Variants in TBXAS1 observed in about 807,000 individuals in gnomAD.
TBXAS1 encodes the protein thromboxane-A synthase.
TBXAS1 carries 48 observed loss-of-function variants against 60.7 expected under a neutral mutation model. The ratio of observed to expected loss-of-function variants is 0.79; its 90% CI spans 0.63 to 1.01. TBXAS1 has a LOEUF of 1.01. Among genes scored for constraint, TBXAS1 ranks in the 50% least tolerant of loss-of-function variants. The probability of loss-of-function intolerance (pLI) is 0.00; values close to 1 mark genes in which losing one functional copy is unlikely to be tolerated. For missense variants in TBXAS1, 685 were observed against 686.3 expected (o/e 1.00, Z 0.02); for synonymous variants, 287 against 269.7 (o/e 1.06, Z -0.63).
At chr7:139,891,455 A>T (rs1469040139) in intron 3 of TBXAS1, among the ~76,000 whole-genome samples, 2 of 152,072 alleles carry the variant, frequency 1.3e-5, no homozygotes, top group Non-Finnish European at 2.9e-5. Context: ...TAGAATGAAA[A>T]GGGCGTGTGG....
rs112532702 is a variant in TBXAS1, at chr7:139,888,246, T to C, written c.236+12609T>C. On this transcript the variant is annotated intron_variant, in intron 3 of 12. Transcript: ENST00000448866. ...TTGCTGCCAAACCCTTTACAATTTA[T>C]GTGTCTGCCTTTCGGTTCTGCCTTC... Among the ~76,000 whole-genome samples the C allele has an allele frequency of 6.5e-3, 991 of 152,368 alleles. 4 individuals carry two copies. The highest frequency in any genetic ancestry group is 0.011 in the Non-Finnish European group (725 of 68,042).
intron 4 of TBXAS1, among the ~76,000 whole-genome samples, chr7:139,818,286 G>C (rs1032119672): frequency 6.6e-6 from 1 of 152,190 alleles, no homozygotes; most frequent in Non-Finnish European, 1.5e-5. Flanking sequence ...CACAGGGCCT[G>C]TTGTAACTCA....
At chr7:139,861,670 C>G (rs112687417) in intron 1 of TBXAS1, among the ~76,000 whole-genome samples, 2 of 152,128 alleles carry the variant, frequency 1.3e-5, no homozygotes, top group Non-Finnish European at 1.5e-5. Flanking sequence ...GAATTAAGTG[C>G]GTAACATCTG....
At chr7:139,997,455 G>A (rs1813377382) in intron 9 of TBXAS1, among the ~76,000 whole-genome samples, 1 of 152,104 alleles carries the variant, frequency 6.6e-6, no homozygotes, top group South Asian at 2.1e-4. Flanking sequence ...AGTTGATGTT[G>A]GAATGCGTTT....
chr7:139,855,017 A>G (rs1215252058), intron 1 of TBXAS1, among the ~76,000 whole-genome samples: 2 of 152,140 alleles, frequency 1.3e-5, no homozygotes, highest in African/African-American at 4.8e-5. Context: ...GTCTCCTCCA[A>G]AAATCATGTT....
At chr7:139,816,665 A>G (rs930294015) in intron 4 of TBXAS1, among the ~76,000 whole-genome samples, 1 of 152,144 alleles carries the variant, frequency 6.6e-6, no homozygotes, top group Non-Finnish European at 1.5e-5. Context: ...TGAATCAGAA[A>G]CTCTGGCAAT....
In TBXAS1 at chr7:139,896,717, C is replaced by T. The variant is rs916775379; in HGVS notation, c.237-14508C>T. Among the ~76,000 whole-genome samples the T allele has an allele frequency of 3.3e-5, 5 of 152,054 alleles. No homozygotes were observed. Among genetic ancestry groups the T allele is most frequent in the Admixed American group, 6.5e-5 (1 of 15,268 alleles). ...TCTTCTTTTGGCCTGGGGAGCGCTACGAAGACATTACTGAGTCACTAAGGG... is the reference window on the plus strand; with the variant it reads ...TCTTCTTTTGGCCTGGGGAGCGCTATGAAGACATTACTGAGTCACTAAGGG... On this transcript the variant is annotated intron_variant, in intron 3 of 12. Coordinates refer to ENST00000448866, the MANE Select transcript of TBXAS1 (RefSeq NM_001061.7). The surrounding 1 kb of genome is among the most constrained non-coding windows in gnomAD (Gnocchi z 4.0).
intron 1 of TBXAS1, among the ~76,000 whole-genome samples, chr7:139,847,526 C>A (rs557223391): frequency 2.8e-4 from 42 of 151,884 alleles, no homozygotes; most frequent in African/African-American, 1.0e-3. Context: ...GCCAACTAAC[C>A]AACCAACCAA....
intron 9 of TBXAS1, among the ~76,000 whole-genome samples, chr7:140,006,308 G>C (rs914919397): frequency 6.6e-6 from 1 of 152,142 alleles, no homozygotes; most frequent in African/African-American, 2.4e-5. Flanking sequence ...TCATGGGCAC[G>C]TGTTCATCTT....
At chr7:139,806,252 T>G (rs1232085974) in intron 4 of TBXAS1, among the ~76,000 whole-genome samples, 1 of 138,986 alleles carries the variant, frequency 7.2e-6, no homozygotes, top group Non-Finnish European at 1.5e-5. Context: ...GTTATTTTAT[T>G]TTATTTTATT....
chr7:139,864,576 A>G (rs1801209352), intron 1 of TBXAS1, among the ~76,000 whole-genome samples: 1 of 152,172 alleles, frequency 6.6e-6, no homozygotes, highest in African/African-American at 2.4e-5. Context: ...TAAGAAAAAA[A>G]GACAAAAAAG....
chr7:139,996,982 T>C (rs980266550), intron 9 of TBXAS1, among the ~76,000 whole-genome samples: 2 of 152,250 alleles, frequency 1.3e-5, no homozygotes, highest in South Asian at 2.1e-4. Context: ...CAACTCTTTC[T>C]ACCTCAGCCA....
At position 140,004,768 on chromosome 7, in the gene TBXAS1, A is replaced by C. The variant is rs543252087; in HGVS notation, c.1135-2323A>C. Among the ~76,000 whole-genome samples, 1 of 152,310 alleles carries C rather than the reference A, an allele frequency of 6.6e-6. No homozygotes were observed. The highest frequency in any genetic ancestry group is 3.4e-3 in the Middle Eastern group (1 of 294). On this transcript the variant is annotated intron_variant, in intron 9 of 12. Transcript: ENST00000448866. The surrounding 1 kb of genome is among the most constrained non-coding windows in gnomAD (Gnocchi z 5.1). ...CTTCCCCAGCCAGCCACAGCAGACT[A>C]ACCTCCAAGGATCTCTAAACCTCTG...
chr7:139,796,419 A>C (rs950450812), intron 4 of TBXAS1, among the ~76,000 whole-genome samples: 1 of 152,202 alleles, frequency 6.6e-6, no homozygotes, highest in Non-Finnish European at 1.5e-5. Context: ...TCCAACTATG[A>C]TATTCTGGCA....
intron 8 of TBXAS1, among the ~76,000 whole-genome samples, chr7:139,958,250 G>A (rs1304989409): frequency 1.3e-5 from 2 of 152,146 alleles, no homozygotes; most frequent in East Asian, 1.9e-4. Context: ...GGAGGATGTC[G>A]CTACAGAACT....
chr7:139,833,509 CAAA>C (rs56291914), intron 1 of TBXAS1, among the ~76,000 whole-genome samples: 3,323 of 74,432 alleles, frequency 0.045, 64 homozygotes, highest in South Asian at 0.087. Flanking sequence ...ACTAAAAATA[CAAA>C]AAAAAAAAAA....
chr7:139,819,559 G>A (rs1376618247), intron 4 of TBXAS1, among the ~76,000 whole-genome samples: 3 of 152,184 alleles, frequency 2.0e-5, no homozygotes, highest in Non-Finnish European at 1.5e-5. Context: ...CTGGAGTGCA[G>A]TGGCACTATC....
chr7:139,875,707 G>A (rs753923972), intron 3 of TBXAS1, 70 bp downstream of exon 3: 39 of 1,544,196 alleles, frequency 2.5e-5, no homozygotes, highest in Admixed American at 3.4e-5. Context: ...TGATTTTCAC[G>A]TGTTGAACTG....
chr7:139,996,668 C>T (rs1467779931), intron 9 of TBXAS1, among the ~76,000 whole-genome samples: 1 of 152,240 alleles, frequency 6.6e-6, no homozygotes, highest in Admixed American at 6.5e-5. Context: ...AATCCCAACA[C>T]CCTCACCTCC....
Sources: gnomAD v4.1 joint callset for allele counts (sites outside exome capture counted in the v4.1 genomes callset) on GRCh38, gnomAD v4.1.1 for gene constraint, Gnocchi (gnomAD v3.1) non-coding constraint, MANE v1.5 for transcripts, NCBI Gene and HGNC (gene_info 2026-07-23, HGNC 2026-07-21) for gene names.